The following IFT172 variants were observed in gnomAD, a reference collection of about 807,000 sequenced individuals.
IFT172 encodes the protein intraflagellar transport 172, also known as intraflagellar transport protein 172 homolog.
Under a neutral mutation model 248.9 loss-of-function variants are expected in IFT172, and 164 were observed. That is an observed-to-expected ratio of 0.66 (90% confidence interval 0.58 to 0.75). IFT172 has a LOEUF of 0.75. Ranked by LOEUF, IFT172 falls within the 30% of genes least tolerant of loss-of-function variation. The probability of loss-of-function intolerance (pLI) is 0.00; values close to 1 mark genes in which losing one functional copy is unlikely to be tolerated. For missense variants in IFT172, 1,950 were observed against 2,192.4 expected (o/e 0.89, Z 2.21); for synonymous variants, 729 against 791.6 (o/e 0.92, Z 1.33).
At position 27,457,954 on chromosome 2, in the gene IFT172, G is replaced by A. The variant is rs569281478; in HGVS notation, c.2998C>T (p.Pro1000Ser). 4 of 1,614,062 alleles carry A rather than the reference G, an allele frequency of 2.5e-6. No homozygotes were observed. The highest frequency in any genetic ancestry group is 3.4e-6 in the Non-Finnish European group (4 of 1,180,042). The change falls in exon 28 of 48, where the codon CCT (proline) becomes TCT (serine). Residue 1000 changes from proline (P) to serine (S), a missense_variant. Coordinates refer to ENST00000260570, the MANE Select transcript of IFT172 (RefSeq NM_015662.3). ...AERLYVTVQEPDLAITMYKKH... is the reference protein window; with the variant it reads ...AERLYVTVQESDLAITMYKKH... ...TTGTACATGGTGATGGCAAGATCAG[G>A]CTCTTGTACTGTCACATATAGCCTG...
intron 24 of IFT172, 78 bp downstream of exon 24, chr2:27,459,631 A>G: frequency 6.2e-7 from 1 of 1,603,062 alleles, no homozygotes; most frequent in African/African-American, 1.3e-5. Flanking sequence ...TCTCTTCTTT[A>G]AGGCCTTGGT....
At chr2:27,480,219 A>G in intron 8 of IFT172, 70 bp from the exon 9 acceptor site, 2 of 1,522,846 alleles carry the variant, frequency 1.3e-6, no homozygotes, top group African/African-American at 1.4e-5. Flanking sequence ...GCTGATAACC[A>G]AAGGAAATTA....
chr2:27,477,852 G>A (rs1668080004), intron 11 of IFT172, 143 bp downstream of exon 11: 1 of 1,017,786 alleles, frequency 9.8e-7, no homozygotes, highest in African/African-American at 1.6e-5. Context: ...TAAAACTCCT[G>A]GGTCTCCTTC....
intron 14 of IFT172, among the ~76,000 whole-genome samples, 178 bp downstream of exon 14, chr2:27,476,463 G>A (rs554021442): frequency 6.6e-6 from 1 of 152,062 alleles, no homozygotes; most frequent in Non-Finnish European, 1.5e-5. Context: ...TAGATATCCA[G>A]GTACAGATGC....
In IFT172 at chr2:27,465,743, C is replaced by T. The variant is rs751267637; in HGVS notation, c.1829+3G>A. The stretch of plus-strand genomic sequence containing the variant: ...CCTCACTGGTTATTGGCCAGCCTCT[C>T]ACCGGATGTAGTTGCCATCATCAAT... On this transcript the variant is annotated splice_donor_region_variant and intron_variant, in intron 17 of 47. Coordinates refer to ENST00000260570, the MANE Select transcript of IFT172 (RefSeq NM_015662.3). The T allele has an allele frequency of 1.2e-6, 2 of 1,614,134 alleles. No homozygotes were observed. Among genetic ancestry groups the T allele is most frequent in the South Asian group, 1.1e-5 (1 of 91,078 alleles).
chr2:27,473,034 T>C (rs958162386), intron 14 of IFT172, among the ~76,000 whole-genome samples: 1 of 152,064 alleles, frequency 6.6e-6, no homozygotes, highest in Non-Finnish European at 1.5e-5. Context: ...GTGTCCATAA[T>C]TGTGAAGACC....
At chr2:27,477,407 C>T (rs911873423) in intron 12 of IFT172, 87 bp from the exon 13 acceptor site, 2 of 1,282,606 alleles carry the variant, frequency 1.6e-6, no homozygotes, top group African/African-American at 2.9e-5. Flanking sequence ...AAGGTGACTA[C>T]CACTTTTCTC....
Position 27,447,644 on chromosome 2 carries a change from GGA to G in IFT172, c.4540-12_4540-11del, listed in dbSNP as rs1286769734. ...TCACCAGGTTTTCACACTAGAGGAG[GGA>G]GACAGCACAGCCTGGCTCAGGGGTC... is the stretch of plus-strand genomic sequence containing the variant. On this transcript the variant is annotated splice_polypyrimidine_tract_variant and intron_variant, in intron 41 of 47. Transcript: ENST00000260570. 6.2e-7 allele frequency: 1 copy of G among 1,614,086 alleles called. No homozygotes were observed. Among genetic ancestry groups the G allele is most frequent in the Admixed American group, 1.7e-5 (1 of 60,018 alleles).
intron 7 of IFT172, among the ~76,000 whole-genome samples, chr2:27,481,861 C>T (rs990407926): frequency 6.6e-6 from 1 of 151,830 alleles, no homozygotes; most frequent in East Asian, 2.0e-4. Context: ...TTTTAATATG[C>T]ACCTGGTAAA....
Position 27,461,042 on chromosome 2 carries a change from A to C in IFT172, c.2494T>G (p.Tyr832Asp). The C allele has an allele frequency of 6.2e-7, 1 of 1,614,162 alleles. No individual in the cohort carries two copies. Among genetic ancestry groups the C allele is most frequent in the East Asian group, 2.2e-5 (1 of 44,880 alleles). Residue 832 changes from tyrosine (Y) to aspartate (D), a missense_variant, in exon 23 of 48, where the codon TAC becomes GAC. Physicochemically the swap from Tyr to Asp is radical, Grantham distance 160. This residue lies in a region of IFT172 where 1,166 missense variants were observed against 1,254.1 expected (regional missense o/e 0.93). Transcript: ENST00000260570. The part of the protein sequence containing the change: ...IHNPQKALEC[Y>D]RKGNAFMKAV... ...TTCATGAATGCGTTGCCTTTACGGT[A>C]GCACTCCAGGGCCTTCTGTGGATTG... is the stretch of plus-strand genomic sequence containing the variant.
intron 18 of IFT172, among the ~76,000 whole-genome samples, chr2:27,463,424 G>C (rs879433081): frequency 4.6e-5 from 7 of 151,614 alleles, no homozygotes; most frequent in Admixed American, 3.3e-4. Context: ...TAATATTACA[G>C]ATCAAGCTTG....
At chr2:27,480,264 GAACA>G in intron 8 of IFT172, 115 bp from the exon 9 acceptor site, 1 of 1,395,168 alleles carries the variant, frequency 7.2e-7, no homozygotes, top group Non-Finnish European at 9.4e-7. Context: ...GAAATAAAAA[GAACA>G]GACAAGCTAG....
chr2:27,473,569 C>T (rs942665733), intron 14 of IFT172, among the ~76,000 whole-genome samples: 1 of 151,304 alleles, frequency 6.6e-6, no homozygotes, highest in South Asian at 2.1e-4. Context: ...CTCAGCCTCC[C>T]AAAGTGTTGG....
chr2:27,484,269 G>A lies in IFT172; in HGVS notation c.297-3C>T, dbSNP rs754754189. The A allele has an allele frequency of 4.3e-6, 7 of 1,613,718 alleles. No homozygotes were observed. The highest frequency in any genetic ancestry group is 5.9e-6 in the Non-Finnish European group (7 of 1,179,764). On this transcript the variant is annotated splice_region_variant and splice_polypyrimidine_tract_variant and intron_variant, in intron 3 of 47. Coordinates refer to ENST00000260570, the MANE Select transcript of IFT172 (RefSeq NM_015662.3). ...TGCAGATGACTTTCTTGTCACCCCT[G>A]CCAAACAAAAGAAGGGGAAACATAT...
intron 8 of IFT172, among the ~76,000 whole-genome samples, chr2:27,480,677 T>C (rs1048861830): frequency 1.3e-5 from 2 of 152,150 alleles, no homozygotes; most frequent in Non-Finnish European, 2.9e-5. Context: ...AGATGAATAA[T>C]AAGCCCCCTT....
rs575383878 is a variant in IFT172, at chr2:27,470,829, G to A, written c.1692+99C>T. 1.6e-5 allele frequency: 18 copies of A among 1,157,740 alleles called. No homozygotes were observed. The African/African-American group carries it at 2.5e-4, about 16-fold the overall frequency. The allele number at this position is 1,157,740 out of a possible 1,614,324, so 71.7% of individuals were successfully genotyped here. A position where few individuals can be genotyped will look rare whatever the true frequency, so the allele number is the denominator to read the frequency against. On this transcript the variant is annotated intron_variant, in intron 16 of 47. Transcript: ENST00000260570. ...TGCCAATTCTATCACAGAGATTAAG[G>A]GTGGTGGACACAGAAAACCAAGTAG... is the stretch of plus-strand genomic sequence containing the variant.
At chr2:27,453,848 C>A in intron 33 of IFT172, 109 bp from the exon 34 acceptor site, 1 of 1,374,316 alleles carries the variant, frequency 7.3e-7, no homozygotes. Flanking sequence ...CTCTCTTCTC[C>A]TCCTCTTTCC....
chr2:27,461,938 C>T, intron 20 of IFT172, 102 bp from the exon 21 acceptor site: 1 of 1,239,310 alleles, frequency 8.1e-7, no homozygotes, highest in South Asian at 1.2e-5. Context: ...CCATGAGGAC[C>T]AAAAGCCTTT....
intron 16 of IFT172, among the ~76,000 whole-genome samples, chr2:27,470,082 A>AATT (rs918965954): frequency 2.0e-5 from 3 of 152,052 alleles, no homozygotes; most frequent in African/African-American, 7.2e-5. Flanking sequence ...TGCTTAAAGA[A>AATT]ATTAAACACA....
Sources: allele counts gnomAD v4.1 joint callset (sites outside exome capture counted in the v4.1 genomes callset), GRCh38; gene constraint gnomAD v4.1.1; regional missense constraint gnomAD v4.1.1; transcripts MANE v1.5; gene names NCBI Gene and HGNC (gene_info 2026-07-23, HGNC 2026-07-21).